The following PPME1 variants were observed in gnomAD, a reference collection of about 807,000 sequenced individuals.
PPME1 encodes testicular secretory protein Li 39.
PPME1 carries 17 observed loss-of-function variants against 56.9 expected under a neutral mutation model. The observed-to-expected ratio is 0.30, with a 90% CI of 0.20 to 0.45. The LOEUF (loss-of-function observed/expected upper bound fraction) is 0.45, where lower values mean the gene tolerates loss of function less well. Ranked by LOEUF, PPME1 falls within the 20% of genes least tolerant of loss-of-function variation. The probability of loss-of-function intolerance (pLI) is 1.00; values close to 1 mark genes in which losing one functional copy is unlikely to be tolerated. For synonymous variants in PPME1, 122 were observed against 156.2 expected (o/e 0.78, Z 1.63); for missense variants, 357 against 483.2 (o/e 0.74, Z 2.45).
chr11:74,240,371 T>C (rs1565394852), intron 9 of PPME1, among the ~76,000 whole-genome samples: 1 of 152,214 alleles, frequency 6.6e-6, no homozygotes, highest in Non-Finnish European at 1.5e-5. Flanking sequence ...CCTCTGCATT[T>C]AGCTCAGGGT....
intron 11 of PPME1, chr11:74,248,040 C>G (rs561024113): frequency 6.6e-6 from 1 of 152,388 alleles, no homozygotes; most frequent in African/African-American, 2.4e-5. Context: ...TCAAACAGAT[C>G]GTGGGGTATA....
At chr11:74,209,202 G>A (rs940355561) in intron 3 of PPME1, among the ~76,000 whole-genome samples, 1 of 152,084 alleles carries the variant, frequency 6.6e-6, no homozygotes, top group African/African-American at 2.4e-5. Flanking sequence ...GACCTCCTGG[G>A]CTCAAGTGAT....
chr11:74,206,061 T>G (rs1858319480), intron 3 of PPME1: 1 of 152,202 alleles, frequency 6.6e-6, no homozygotes, highest in Non-Finnish European at 1.5e-5. Context: ...ATTTAAAAAT[T>G]TTATACTTAC....
At chr11:74,205,688 G>A (rs935767057) in intron 3 of PPME1, 9 of 152,154 alleles carry the variant, frequency 5.9e-5, no homozygotes, top group African/African-American at 1.9e-4. Flanking sequence ...CAAATGGCTT[G>A]AAATAGTTCT....
Position 74,253,641 on chromosome 11 carries a change from C to T in PPME1, c.*131C>T, listed in dbSNP as rs1859761919. The stretch of plus-strand genomic sequence containing the variant: ...ACACTGGCTCCCGGTAGACGGGCAC[C>T]CCGAGATGTACCAACCTTTTCATGT... On this transcript the variant is annotated 3_prime_UTR_variant, in exon 14 of 14. Transcript: ENST00000328257. The T allele has an allele frequency of 3.9e-6, 4 of 1,022,554 alleles. No individual in the cohort carries two copies. The highest frequency in any genetic ancestry group is 4.6e-6 in the Non-Finnish European group (3 of 657,526). The allele number at this position is 1,022,554 out of a possible 1,614,324, so 63.3% of individuals were successfully genotyped here. A position where few individuals can be genotyped will look rare whatever the true frequency, so the allele number is the denominator to read the frequency against.
At chr11:74,235,871 C>A in intron 7 of PPME1, 30 bp from the exon 8 acceptor site, 1 of 1,594,834 alleles carries the variant, frequency 6.3e-7, no homozygotes, top group Non-Finnish European at 8.5e-7. Flanking sequence ...TACTGAATAA[C>A]CTTCTCTCTT....
At chr11:74,224,338 T>A (rs1453898403) in intron 4 of PPME1, among the ~76,000 whole-genome samples, 2 of 139,742 alleles carry the variant, frequency 1.4e-5, no homozygotes, top group Non-Finnish European at 3.0e-5. Context: ...GCTGTTTTGG[T>A]TACTGTAGCC....
At chr11:74,249,008 A>G (rs574144540) in intron 11 of PPME1, 2 of 152,362 alleles carry the variant, frequency 1.3e-5, no homozygotes, top group South Asian at 4.1e-4. Context: ...CAGTACAGTT[A>G]CATGAAGTTT....
rs1859761483 is a variant in PPME1 at position 74,253,629 on chromosome 11, G to A, written c.*119G>A. On this transcript the variant is annotated 3_prime_UTR_variant, in exon 14 of 14. Coordinates refer to ENST00000328257, the MANE Select transcript of PPME1 (RefSeq NM_016147.3). ...CCCAGCCATGTGACACTGGCTCCCG[G>A]TAGACGGGCACCCCGAGATGTACCA... 2.6e-6 allele frequency: 3 copies of A among 1,154,886 alleles called. No homozygotes were observed. Among genetic ancestry groups the A allele is most frequent in the Non-Finnish European group, 2.6e-6 (2 of 768,602 alleles). The allele number at this position is 1,154,886 out of a possible 1,614,324, so 71.5% of individuals were successfully genotyped here. A position where few individuals can be genotyped will look rare whatever the true frequency, so the allele number is the denominator to read the frequency against.
At chr11:74,244,711 A>G (rs1859462094) in intron 9 of PPME1, among the ~76,000 whole-genome samples, 1 of 152,258 alleles carries the variant, frequency 6.6e-6, no homozygotes, top group South Asian at 2.1e-4. Flanking sequence ...CTCCCATTCC[A>G]TACACATAGT....
In PPME1 at chr11:74,212,546, T is replaced by A. The variant is rs566105955; in HGVS notation, c.288+8101T>A. Among the ~76,000 whole-genome samples the A allele has an allele frequency of 2.0e-5, 3 of 152,070 alleles. No homozygotes were observed. The South Asian group carries it at 6.2e-4, about 32-fold the overall frequency. On this transcript the variant is annotated intron_variant, in intron 3 of 13. Coordinates refer to ENST00000328257, the MANE Select transcript of PPME1 (RefSeq NM_016147.3). The stretch of plus-strand genomic sequence containing the variant: ...CAGCCAGGGGAGTGCTTACGCCACC[T>A]CTCCCCCAACCTCAGGTGGAGCAGC...
intron 7 of PPME1, chr11:74,235,612 G>T: frequency 3.0e-6 from 1 of 336,712 alleles, no homozygotes; most frequent in Non-Finnish European, 5.6e-6. Flanking sequence ...CATTATATGT[G>T]TCTTTTTCTC....
In PPME1 at chr11:74,203,665, G is replaced by T; in HGVS notation, c.102-63G>T. The T allele has an allele frequency of 4.7e-6, 6 of 1,280,242 alleles. No homozygotes were observed. The South Asian group carries it at 6.7e-5, about 14-fold the overall frequency. 79.3% of individuals were successfully genotyped at this position (1,280,242 alleles called of 1,614,324 possible). Reference sequence around the variant, plus strand: ...TACTGACTTACATTTAGCATTTATTGACCAAGATTTTATCTCTTTATGCAT... The same window carrying T: ...TACTGACTTACATTTAGCATTTATTTACCAAGATTTTATCTCTTTATGCAT... On this transcript the variant is annotated intron_variant, in intron 1 of 13. Coordinates refer to ENST00000328257, the MANE Select transcript of PPME1 (RefSeq NM_016147.3).
At chr11:74,179,353 G>C (rs1448129992) in intron 1 of PPME1, among the ~76,000 whole-genome samples, 1 of 152,166 alleles carries the variant, frequency 6.6e-6, no homozygotes, top group Admixed American at 6.5e-5. Flanking sequence ...AAACAACCAG[G>C]CATGGTGGTG....
At chr11:74,188,450 G>T (rs1235289309) in intron 1 of PPME1, among the ~76,000 whole-genome samples, 3 of 152,066 alleles carry the variant, frequency 2.0e-5, no homozygotes, top group African/African-American at 4.8e-5. Context: ...CTCCCAAAGT[G>T]CTGGGATTAC....
intron 1 of PPME1, among the ~76,000 whole-genome samples, chr11:74,201,683 AG>A (rs770740979): frequency 2.9e-4 from 44 of 152,296 alleles, no homozygotes; most frequent in Non-Finnish European, 5.1e-4. Context: ...AAGTTTTGTG[AG>A]GGTTAAATGG....
chr11:74,218,681 G>GAAAACTGGATATCCATAT (rs1214141665), intron 3 of PPME1, among the ~76,000 whole-genome samples: 2 of 152,138 alleles, frequency 1.3e-5, no homozygotes, highest in Non-Finnish European at 2.9e-5. Flanking sequence ...ATCATGCTGG[G>GAAAACTGGATATCCATAT]AAAACTGGAT....
chr11:74,232,479 T>C (rs1462613150), intron 7 of PPME1, among the ~76,000 whole-genome samples: 2 of 152,198 alleles, frequency 1.3e-5, no homozygotes, highest in Non-Finnish European at 2.9e-5. Flanking sequence ...CACTTCCTGT[T>C]CACTACTGTG....
intron 9 of PPME1, among the ~76,000 whole-genome samples, chr11:74,242,082 TA>T (rs1264711099): frequency 6.6e-6 from 1 of 152,236 alleles, no homozygotes; most frequent in African/African-American, 2.4e-5. Context: ...TGTTTTCTTC[TA>T]AGAATTTTCT....
Sources: allele counts gnomAD v4.1 joint callset (sites outside exome capture counted in the v4.1 genomes callset), GRCh38; gene constraint gnomAD v4.1.1; transcripts MANE v1.5; gene names NCBI Gene and HGNC (gene_info 2026-07-23, HGNC 2026-07-21).